Variants in MGST2 observed in about 807,000 individuals in gnomAD.
MGST2 encodes microsomal glutathione S-transferase 2.
MGST2 carries 9 observed loss-of-function variants against 16.6 expected under a neutral mutation model. The ratio of observed to expected loss-of-function variants is 0.54; its 90% CI spans 0.33 to 0.95. The LOEUF (loss-of-function observed/expected upper bound fraction) is 0.95, where lower values mean the gene tolerates loss of function less well. Among genes scored for constraint, MGST2 ranks in the 40% least tolerant of loss-of-function variants. The pLI is 0.03. For missense variants in MGST2, 159 were observed against 175.1 expected, an observed-to-expected ratio of 0.91 and a Z score of 0.52; for synonymous variants, 79 against 68.0, an observed-to-expected ratio of 1.16 and a Z score of -0.79.
rs1264499583 is a variant in MGST2, at chr4:139,704,235, T to G, written c.*87T>G. On this transcript the variant is annotated 3_prime_UTR_variant, in exon 5 of 5. Transcript: ENST00000265498. The stretch of plus-strand genomic sequence containing the variant: ...ATTTGTTAAATAAAAATAAAGTCTT[T>G]ATTCTGTTTTTCTTGAAATGGCTTT... The G allele has an allele frequency of 6.6e-7, 1 of 1,511,962 alleles. No homozygotes were observed. Among genetic ancestry groups the G allele is most frequent in the Admixed American group, 1.7e-5 (1 of 59,168 alleles). 93.7% of individuals were successfully genotyped at this position (1,511,962 alleles called of 1,614,324 possible).
chr4:139,751,767 C>T, the MGST2 span, among the ~76,000 whole-genome samples: 2 of 152,202 alleles, frequency 1.3e-5, no homozygotes, highest in Admixed American at 1.3e-4. Flanking sequence ...GGAATACACT[C>T]AGCCCAGGTC....
chr4:139,725,001 C>T (rs764401889), intron 5 of MGST2, among the ~76,000 whole-genome samples: 82 of 152,198 alleles, frequency 5.4e-4, no homozygotes, highest in Non-Finnish European at 7.2e-4. Flanking sequence ...TCAAGTGATC[C>T]GTCCACCTCA....
At chr4:139,693,598 A>G (rs1013996236) in intron 2 of MGST2, among the ~76,000 whole-genome samples, 6 of 152,144 alleles carry the variant, frequency 3.9e-5, no homozygotes, top group East Asian at 1.9e-4. Context: ...TTTTCACTCA[A>G]CCTATCATAG....
intron 2 of MGST2, among the ~76,000 whole-genome samples, chr4:139,682,698 A>G (rs936381588): frequency 6.6e-6 from 1 of 152,134 alleles, no homozygotes; most frequent in Non-Finnish European, 1.5e-5. Flanking sequence ...GCATTGGTAG[A>G]AGCAGAAAAT....
the MGST2 span, among the ~76,000 whole-genome samples, chr4:139,746,086 A>C: frequency 6.6e-6 from 1 of 152,240 alleles, no homozygotes; most frequent in African/African-American, 2.4e-5. Context: ...ACTTCATAAC[A>C]AATGTGATAA....
intron 2 of MGST2, among the ~76,000 whole-genome samples, chr4:139,689,396 G>C (rs1016662794): frequency 1.3e-5 from 2 of 152,158 alleles, no homozygotes; most frequent in Non-Finnish European, 2.9e-5. Context: ...CCCACTCAGA[G>C]TTACTTGACA....
At chr4:139,745,978 A>G in the MGST2 span, among the ~76,000 whole-genome samples, 3 of 152,238 alleles carry the variant, frequency 2.0e-5, no homozygotes, top group Non-Finnish European at 4.4e-5. Flanking sequence ...TTCTCCTGCT[A>G]CTAAATGTTT....
intron 5 of MGST2, among the ~76,000 whole-genome samples, chr4:139,736,436 C>T (rs113228425): frequency 2.6e-4 from 39 of 152,274 alleles, no homozygotes; most frequent in African/African-American, 9.4e-4. Flanking sequence ...TAGACAGAGG[C>T]GCCTGGCTGT....
chr4:139,706,808 C>T (rs1727536603), downstream of MGST2, among the ~76,000 whole-genome samples: 1 of 152,198 alleles, frequency 6.6e-6, no homozygotes, highest in Admixed American at 6.5e-5. Flanking sequence ...TGCATTGTCA[C>T]CAGGCAACCT....
At chr4:139,698,653 T>G (rs575690290) in intron 3 of MGST2, 3 of 779,324 alleles carry the variant, frequency 3.8e-6, no homozygotes, top group Non-Finnish European at 6.6e-6. Context: ...GTGTTTCTTA[T>G]AGCAATCCTG....
intron 5 of MGST2, chr4:139,730,461 T>A: frequency 6.4e-7 from 1 of 1,552,138 alleles, no homozygotes; most frequent in Middle Eastern, 1.7e-4. Context: ...GCTGCTGCCT[T>A]TGCTCCCGCA....
downstream of MGST2, among the ~76,000 whole-genome samples, chr4:139,741,443 T>A (rs780708385): frequency 1.3e-5 from 2 of 152,212 alleles, no homozygotes; most frequent in Non-Finnish European, 2.9e-5. Flanking sequence ...AAATAGCATC[T>A]ATTTTACAGC....
At chr4:139,714,179 G>A (rs945356174) in intron 5 of MGST2, among the ~76,000 whole-genome samples, 8 of 152,100 alleles carry the variant, frequency 5.3e-5, no homozygotes, top group African/African-American at 1.9e-4. Context: ...CTGAAAAGCG[G>A]GCTTACAGGT....
chr4:139,669,853 G>A (rs1730578107), intron 1 of MGST2, among the ~76,000 whole-genome samples: 1 of 152,216 alleles, frequency 6.6e-6, no homozygotes, highest in Non-Finnish European at 1.5e-5. Flanking sequence ...GAGGAAATGG[G>A]GAATGCAGAC....
intron 2 of MGST2, among the ~76,000 whole-genome samples, chr4:139,691,697 G>GATGATTATTATTATT (rs1462911789): frequency 3.6e-5 from 5 of 137,458 alleles, no homozygotes; most frequent in African/African-American, 1.6e-4. Flanking sequence ...TGATGATGAT[G>GATGATTATTATTATT]ATTATTATTA....
chr4:139,730,298 G>A (rs890657156), intron 5 of MGST2: 3 of 881,820 alleles, frequency 3.4e-6, no homozygotes, highest in African/African-American at 3.3e-5. Context: ...CCTGGGAAAT[G>A]CTAGACCGTG....
chr4:139,690,931 C>T (rs1475676474), intron 2 of MGST2, among the ~76,000 whole-genome samples: 1 of 152,204 alleles, frequency 6.6e-6, no homozygotes, highest in Non-Finnish European at 1.5e-5. Context: ...GGGGTCTCAG[C>T]AGCTTTAACT....
chr4:139,741,310 A>AG (rs1484907796), downstream of MGST2, among the ~76,000 whole-genome samples: 1 of 152,218 alleles, frequency 6.6e-6, no homozygotes, highest in Non-Finnish European at 1.5e-5. Flanking sequence ...ATGGGGGATC[A>AG]GGGCATAAGA....
chr4:139,672,460 G>A lies in MGST2; in HGVS notation c.59-6083G>A, dbSNP rs183469694. On this transcript the variant is annotated intron_variant, in intron 1 of 4. Transcript: ENST00000265498. Reference sequence around the variant, plus strand: ...GCCTTTCCAGATTGATGCTGCCCTGGAGGGATGGAGCCCAGGGTTGGAGAC... The same window carrying A: ...GCCTTTCCAGATTGATGCTGCCCTGAAGGGATGGAGCCCAGGGTTGGAGAC... Among the ~76,000 whole-genome samples the A allele has an allele frequency of 1.7e-3, 254 of 152,232 alleles. 1 individual carries two copies. Among genetic ancestry groups the A allele is most frequent in the Middle Eastern group, 3.4e-3 (1 of 294 alleles).
Sources: gnomAD v4.1 joint callset for allele counts (sites outside exome capture counted in the v4.1 genomes callset) on GRCh38, gnomAD v4.1.1 for gene constraint, MANE v1.5 for transcripts, NCBI Gene and HGNC (gene_info 2026-07-23, HGNC 2026-07-21) for gene names.